FBXO44: variants seen among roughly 807,000 people sequenced by gnomAD.
FBXO44 encodes F-box only protein 44.
Under a neutral mutation model 33.5 loss-of-function variants are expected in FBXO44, and 25 were observed. The ratio of observed to expected loss-of-function variants is 0.75; its 90% confidence interval spans 0.54 to 1.04. FBXO44 has a LOEUF of 1.04. Ranked by LOEUF, FBXO44 falls within the 50% of genes least tolerant of loss-of-function variation. The probability of loss-of-function intolerance (pLI) is 0.00; values close to 1 mark genes in which losing one functional copy is unlikely to be tolerated. For missense variants in FBXO44, 311 were observed against 344.0 expected (o/e 0.90, Z 0.76); for synonymous variants, 147 against 152.8 (o/e 0.96, Z 0.28).
At chr1:11,655,662 G>C (rs1366786532) in intron 1 of FBXO44, 144 bp from the exon 2 acceptor site, 4 of 745,794 alleles carry the variant, frequency 5.4e-6, no homozygotes, top group Non-Finnish European at 8.6e-6. Flanking sequence ...TACCTGATGT[G>C]TCCCAAGCTC....
chr1:11,655,724 G>A (rs752574507), intron 1 of FBXO44, 82 bp from the exon 2 acceptor site: 1 of 1,458,980 alleles, frequency 6.9e-7, no homozygotes, highest in East Asian at 2.3e-5. Flanking sequence ...TACAGAGAAG[G>A]AAACAGGCTG....
upstream of FBXO44, chr1:11,654,796 G>C (rs1243210876): frequency 1.3e-5 from 2 of 149,818 alleles, no homozygotes; most frequent in Admixed American, 1.4e-4. Flanking sequence ...CGACGCGGTG[G>C]GGGTGCGTCC....
At chr1:11,658,895 G>T in intron 5 of FBXO44, 24 bp downstream of exon 5, 1 of 1,601,270 alleles carries the variant, frequency 6.2e-7, no homozygotes, top group East Asian at 2.2e-5. Flanking sequence ...GGGGACGGGG[G>T]CAGAGGCAGA....
intron 5 of FBXO44, among the ~76,000 whole-genome samples, 155 bp from the exon 6 acceptor site, chr1:11,660,975 C>CTA (rs34139745): frequency 0.38 from 57,438 of 151,110 alleles, 13,998 homozygotes; most frequent in African/African-American, 0.7. Flanking sequence ...TGGTATCTCA[C>CTA]TCTCTGGTTT....
At chr1:11,659,217 G>A (rs994003855) in intron 5 of FBXO44, among the ~76,000 whole-genome samples, 1 of 152,140 alleles carries the variant, frequency 6.6e-6, no homozygotes, top group Non-Finnish European at 1.5e-5. Flanking sequence ...GAGAAACCCC[G>A]TCTTTACTAA....
chr1:11,654,632 T>C (rs80296647), upstream of FBXO44: 2 of 319,986 alleles, frequency 6.3e-6, no homozygotes, highest in Non-Finnish European at 1.1e-5. Context: ...TTGGGGCATC[T>C]CGCAGCTCGC....
intron 2 of FBXO44, among the ~76,000 whole-genome samples, chr1:11,657,314 C>A (rs1287475901): frequency 6.6e-6 from 1 of 152,192 alleles, no homozygotes. Flanking sequence ...CTATTCTTAA[C>A]TCCAGTTTAC....
At chr1:11,658,434 A>G (rs764458503) in intron 3 of FBXO44, 41 bp downstream of exon 3, 3 of 1,613,094 alleles carry the variant, frequency 1.9e-6, no homozygotes, top group Non-Finnish European at 8.5e-7. Flanking sequence ...GCCCAAATCA[A>G]TTTACCCTGG....
upstream of FBXO44, chr1:11,654,721 C>T (rs1639641636): frequency 9.5e-6 from 2 of 210,662 alleles, no homozygotes. Flanking sequence ...GGGCGGGTGG[C>T]CCAGGCGGAG....
In FBXO44 at chr1:11,662,523, G is replaced by A. The variant is rs1057208171; in HGVS notation, c.*1250G>A. 6.6e-6 allele frequency: 1 copy of A among 152,266 alleles called. No individual in the cohort carries two copies. The highest frequency in any genetic ancestry group is 1.5e-5 in the Non-Finnish European group (1 of 68,082). The allele number at this position is 152,266 out of a possible 1,614,324, so 9.4% of individuals were successfully genotyped here. A position where few individuals can be genotyped will look rare whatever the true frequency, so the allele number is the denominator to read the frequency against. On this transcript the variant is annotated 3_prime_UTR_variant, in exon 6 of 6. Transcript: ENST00000251547. ...TCTGGAGGCCCAGCCACAGGCTGGG[G>A]TTGGGGTGTGTGGACATCTCTGGGC...
In FBXO44 at chr1:11,656,007, A is replaced by G; in HGVS notation, c.172A>G (p.Thr58Ala). ...CAAGTGCCTGCGAGAGGGCTTCATC[A>G]CTGAGGACTGGGACCAGCCCGTGGC... ...KRKCLREGFI[T>A]EDWDQPVADW... The change falls in exon 2 of 6, where the codon ACT becomes GCT. Residue 58 changes from threonine to alanine, a missense_variant. Thr to Ala is a moderately conservative substitution (Grantham distance 58). Coordinates refer to ENST00000251547, the MANE Select transcript of FBXO44 (RefSeq NM_033182.7). 6.2e-7 allele frequency: 1 copy of G among 1,614,152 alleles called. No individual in the cohort carries two copies. The highest frequency in any genetic ancestry group is 8.5e-7 in the Non-Finnish European group (1 of 1,180,036).
rs371851017 is a variant in FBXO44, at chr1:11,658,527, C to T, written c.393-6C>T. ...CAGCCCCTCCCACCCCTCTGCCTGC[C>T]CCCAGCACCTGCCTCAAGTCCCAGG... On this transcript the variant is annotated splice_polypyrimidine_tract_variant and splice_region_variant and intron_variant, in intron 3 of 5. Transcript: ENST00000251547. 436 of 1,611,750 alleles carry T rather than the reference C, an allele frequency of 2.7e-4. 1 individual carries two copies. The highest frequency in any genetic ancestry group is 3.5e-4 in the Non-Finnish European group (407 of 1,179,568).
At position 11,661,177 on chromosome 1, in the gene FBXO44, G is replaced by A. The variant is rs1640162155; in HGVS notation, c.672G>A (p.Trp224Ter). The A allele has an allele frequency of 3.7e-6, 6 of 1,613,874 alleles. No homozygotes were observed. The highest frequency in any genetic ancestry group is 3.4e-6 in the Non-Finnish European group (4 of 1,179,972). ...ACCCGCCCGGCGTCCGCTACATCTG[G>A]TTTCAGCACGGCGGCGTGGACACTC... Reference protein sequence around the residue: ...SNYPPGVRYIWFQHGGVDTHY... With the variant: ...SNYPPGVRYI Residue 224 changes from tryptophan to a stop codon, truncating the protein, a stop_gained, in exon 6 of 6, where the codon TGG becomes TGA. Transcript: ENST00000251547. LOFTEE classifies it high-confidence loss of function. This position sits in a 1 kb window ranked among gnomAD's most constrained non-coding sequence, Gnocchi z 4.4.
rs550781721 is a variant in FBXO44 at position 11,656,213 on chromosome 1, C to A, written c.265+113C>A. 140 of 1,409,100 alleles carry A rather than the reference C, an allele frequency of 9.9e-5. 3 individuals carry two copies. In the South Asian group the frequency reaches 1.7e-3, roughly 17 times the overall value. 87.3% of individuals were successfully genotyped at this position (1,409,100 alleles called of 1,614,324 possible). ...TTTGGATGGTTTAACACCTTTACTT[C>A]TCTCACAGTAACCCAAAGAGGTAGC... is the stretch of plus-strand genomic sequence containing the variant. On this transcript the variant is annotated intron_variant, in intron 2 of 5. Transcript: ENST00000251547.
intron 2 of FBXO44, 84 bp downstream of exon 2, chr1:11,656,184 G>A: frequency 6.5e-7 from 1 of 1,547,698 alleles, no homozygotes; most frequent in Non-Finnish European, 8.8e-7. Context: ...TATGAGCCGG[G>A]TACTTTGGAT....
At chr1:11,656,989 C>T (rs1425472062) in intron 2 of FBXO44, among the ~76,000 whole-genome samples, 2 of 152,132 alleles carry the variant, frequency 1.3e-5, no homozygotes, top group African/African-American at 2.4e-5. Context: ...CAGTATGTTA[C>T]AACAACAGGT....
intron 1 of FBXO44, chr1:11,655,520 A>G (rs1372983943): frequency 2.4e-6 from 1 of 413,366 alleles, no homozygotes; most frequent in Non-Finnish European, 4.4e-6. Flanking sequence ...GCCTACTGAA[A>G]AAGGCTGGCC....
At chr1:11,660,225 C>T (rs1018921908) in intron 5 of FBXO44, among the ~76,000 whole-genome samples, 1 of 152,166 alleles carries the variant, frequency 6.6e-6, no homozygotes, top group Non-Finnish European at 1.5e-5. Context: ...TGCAGTGACG[C>T]GATCTCAGCT....
chr1:11,655,716 C>T (rs1234366981), intron 1 of FBXO44, 90 bp from the exon 2 acceptor site: 1 of 1,403,072 alleles, frequency 7.1e-7, no homozygotes, highest in Non-Finnish European at 9.7e-7. Context: ...CATCCATTTA[C>T]AGAGAAGGAA....
Sources: gnomAD v4.1 joint callset for allele counts (sites outside exome capture counted in the v4.1 genomes callset) on GRCh38, gnomAD v4.1.1 for gene constraint, Gnocchi (gnomAD v3.1) non-coding constraint, MANE v1.5 for transcripts, NCBI Gene and HGNC (gene_info 2026-07-23, HGNC 2026-07-21) for gene names.